The following HECW2 variants were observed in gnomAD, a reference collection of about 807,000 sequenced individuals.
HECW2 encodes the protein E3 ubiquitin-protein ligase HECW2.
A neutral mutation model predicts 175.2 loss-of-function variants in HECW2; 61 were observed. The ratio of observed to expected loss-of-function variants is 0.35; its 90% CI spans 0.28 to 0.43. The LOEUF (loss-of-function observed/expected upper bound fraction) is 0.43. Among genes scored for constraint, HECW2 ranks in the 20% least tolerant of loss-of-function variants. The probability of loss-of-function intolerance (pLI) is 1.00; values close to 1 mark genes in which losing one functional copy is unlikely to be tolerated. For synonymous variants in HECW2, 671 were observed against 731.0 expected, an observed-to-expected ratio of 0.92 and a Z score of 1.32; for missense variants, 1,524 against 2,000.5, an observed-to-expected ratio of 0.76 and a Z score of 4.54.
rs80256568 is a variant in HECW2, at chr2:196,418,423, C to T, written c.292+14709G>A. 4.0e-3 allele frequency among the ~76,000 whole-genome samples: 607 copies of T among 152,232 alleles called. 6 individuals carry two copies. The highest frequency in any genetic ancestry group is 0.014 in the African/African-American group (566 of 41,522). On this transcript the variant is annotated intron_variant, in intron 2 of 28. Transcript: ENST00000644978. ...GATTACAGGCGTGAGCCACCGTGCC[C>T]GGCCAGATGATCACTTCTTGATCCA...
At chr2:196,437,188 T>A (rs575463497) in intron 1 of HECW2, among the ~76,000 whole-genome samples, 1 of 151,842 alleles carries the variant, frequency 6.6e-6, no homozygotes, top group South Asian at 2.1e-4. Context: ...AAGAAACGCA[T>A]GAAGAGCATT....
intron 13 of HECW2, among the ~76,000 whole-genome samples, chr2:196,303,906 T>C (rs549646035): frequency 3.3e-4 from 50 of 152,318 alleles, no homozygotes; most frequent in Non-Finnish European, 6.8e-4. Context: ...CTTCAAAATA[T>C]ATCCAATATT....
intron 7 of HECW2, among the ~76,000 whole-genome samples, chr2:196,321,391 C>CTT (rs10622627): frequency 0.72 from 100,250 of 139,580 alleles, 37,644 homozygotes; most frequent in East Asian, 0.93. Flanking sequence ...CTTTTTCTCT[C>CTT]TTTTTTTTTT....
intron 1 of HECW2, among the ~76,000 whole-genome samples, chr2:196,573,833 A>T (rs1690466583): frequency 6.6e-6 from 1 of 152,078 alleles, no homozygotes; most frequent in Non-Finnish European, 1.5e-5. Context: ...TAACATAATA[A>T]TATACATAGA....
intron 21 of HECW2, among the ~76,000 whole-genome samples, chr2:196,237,074 A>C (rs1688281188): frequency 6.6e-6 from 1 of 152,190 alleles, no homozygotes; most frequent in African/African-American, 2.4e-5. Flanking sequence ...AATTGGGCCA[A>C]ATTACATCAT....
chr2:196,516,146 A>G (rs1472705999), intron 1 of HECW2, among the ~76,000 whole-genome samples: 1 of 152,120 alleles, frequency 6.6e-6, no homozygotes, highest in Non-Finnish European at 1.5e-5. Flanking sequence ...CAATAAACAA[A>G]ACAAAACAAA....
At chr2:196,371,782 A>T (rs1344894659) in intron 2 of HECW2, among the ~76,000 whole-genome samples, 1 of 152,218 alleles carries the variant, frequency 6.6e-6, no homozygotes, top group Non-Finnish European at 1.5e-5. Context: ...TGGTTAGTCC[A>T]GTGAGCCTCT....
chr2:196,277,547 C>T (rs1690004521), intron 15 of HECW2, among the ~76,000 whole-genome samples: 1 of 152,096 alleles, frequency 6.6e-6, no homozygotes, highest in South Asian at 2.1e-4. Context: ...ATTAGCTCAA[C>T]TATTGTGGAA....
intron 2 of HECW2, among the ~76,000 whole-genome samples, chr2:196,432,832 G>C (rs1399996025): frequency 1.3e-5 from 2 of 152,254 alleles, no homozygotes; most frequent in Non-Finnish European, 2.9e-5. Flanking sequence ...CAAGAGAAAG[G>C]TGAAGTTTTA....
chr2:196,396,965 T>C (rs1449835309), intron 2 of HECW2, among the ~76,000 whole-genome samples: 2 of 150,950 alleles, frequency 1.3e-5, no homozygotes, highest in African/African-American at 4.9e-5. Context: ...CAAAAAAAAA[T>C]AGCCAGGCGT....
At chr2:196,471,995 A>AAAAGC (rs1697217695) in intron 1 of HECW2, among the ~76,000 whole-genome samples, 1 of 149,444 alleles carries the variant, frequency 6.7e-6, no homozygotes, top group Non-Finnish European at 1.5e-5. Flanking sequence ...AAAAAAAAAG[A>AAAAGC]AAAGCAAGAG....
Position 196,201,319 on chromosome 2 carries a change from C to T in HECW2, c.4677G>A (p.Leu1559=). ...TACTGGTTTCTTCAACTGCTGTCAA[C>T]AGTTTTTCATAAAGCATGGAAAAGG... is the stretch of plus-strand genomic sequence containing the variant. ...YPSFSMLYEK[L]LTAVEETSTF... Residue 1559 remains leucine (L), a synonymous_variant, in exon 29 of 29, where the codon CTG becomes CTA. Coordinates refer to ENST00000644978, the MANE Select transcript of HECW2 (RefSeq NM_001348768.2). 1 of 1,613,656 alleles carries T rather than the reference C, an allele frequency of 6.2e-7. No homozygotes were observed. Among genetic ancestry groups the T allele is most frequent in the East Asian group, 2.2e-5 (1 of 44,886 alleles).
At chr2:196,433,508 C>T (rs2204640) in intron 1 of HECW2, 50 bp from the exon 2 acceptor site, 1,332,870 of 1,372,716 alleles carry the variant, frequency 0.97, 647,213 homozygotes, top group East Asian at 1. Context: ...TACGAAGAAT[C>T]AGATTTAAGC....
At chr2:196,220,261 G>T (rs1171155490) in intron 25 of HECW2, 108 bp from the exon 26 acceptor site, 3 of 698,334 alleles carry the variant, frequency 4.3e-6, no homozygotes, top group African/African-American at 1.8e-5. Flanking sequence ...TAATATGTGT[G>T]TACCTTGTGT....
intron 1 of HECW2, among the ~76,000 whole-genome samples, chr2:196,444,275 C>T (rs552425086): frequency 6.3e-4 from 57 of 90,094 alleles, no homozygotes; most frequent in South Asian, 4.5e-4. Context: ...GTGGCTGAAG[C>T]GCATTAGGTG....
chr2:196,452,099 T>C (rs548705241), intron 1 of HECW2, among the ~76,000 whole-genome samples: 1 of 152,170 alleles, frequency 6.6e-6, no homozygotes, highest in Non-Finnish European at 1.5e-5. Flanking sequence ...TCAGTAATGG[T>C]ACAACACTGT....
At chr2:196,350,499 T>C (rs1173437059) in intron 2 of HECW2, among the ~76,000 whole-genome samples, 1 of 152,228 alleles carries the variant, frequency 6.6e-6, no homozygotes, top group Non-Finnish European at 1.5e-5. Context: ...GCAAGTACCA[T>C]AAAGACCACA....
At chr2:196,529,953 C>T (rs998652760) in intron 1 of HECW2, among the ~76,000 whole-genome samples, 1 of 152,200 alleles carries the variant, frequency 6.6e-6, no homozygotes, top group South Asian at 2.1e-4. Flanking sequence ...TTATTTGGCT[C>T]TAACAATGTT....
At chr2:196,457,709 T>A (rs545928678) in intron 1 of HECW2, among the ~76,000 whole-genome samples, 1 of 152,270 alleles carries the variant, frequency 6.6e-6, no homozygotes, top group South Asian at 2.1e-4. Flanking sequence ...CCAAGATACC[T>A]CTTAGCTCTA....
Sources: allele counts gnomAD v4.1 joint callset (sites outside exome capture counted in the v4.1 genomes callset), GRCh38; gene constraint gnomAD v4.1.1; transcripts MANE v1.5; gene names NCBI Gene and HGNC (gene_info 2026-07-23, HGNC 2026-07-21).